The following FOXP1 variants were observed in gnomAD, a reference collection of about 807,000 sequenced individuals.
The protein encoded by FOXP1 is forkhead box P1, also known as forkhead box protein P1.
A neutral mutation model predicts 98.2 loss-of-function variants in FOXP1; 15 were observed. The observed-to-expected ratio is 0.15, with a 90% CI of 0.10 to 0.24. The LOEUF (loss-of-function observed/expected upper bound fraction) is 0.24. FOXP1 is among the 10% of genes least tolerant of loss of function. The pLI is 1.00. For synonymous variants in FOXP1, 371 were observed against 314.5 expected (o/e 1.18, Z -1.90); for missense variants, 633 against 848.5 (o/e 0.75, Z 3.15).
intron 6 of FOXP1, among the ~76,000 whole-genome samples, chr3:71,174,950 G>C (rs1206925419): frequency 1.4e-5 from 2 of 146,902 alleles, no homozygotes; most frequent in Non-Finnish European, 3.0e-5. Context: ...TCTCGCTCTT[G>C]TTGCCCAGAC....
intron 6 of FOXP1, among the ~76,000 whole-genome samples, chr3:71,115,737 CTTTTT>C (rs5849989): frequency 7.8e-5 from 9 of 116,062 alleles, no homozygotes; most frequent in East Asian, 4.7e-4. Flanking sequence ...CAAAACTATT[CTTTTT>C]TTTTTTTTTT....
intron 2 of FOXP1, among the ~76,000 whole-genome samples, chr3:71,539,154 C>G (rs867620969): frequency 1.3e-4 from 19 of 149,546 alleles, no homozygotes; most frequent in East Asian, 1.9e-4. Context: ...CTCTGTCGCC[C>G]AGGCTGGGGT....
Position 70,957,972 on chromosome 3 carries a change from G to T in FOXP1, c.*1275C>A. On this transcript the variant is annotated 3_prime_UTR_variant, in exon 21 of 21. Transcript: ENST00000649528. ...CGCCGCCACCCCTACTTTCAGGGCA[G>T]CTGCTCGGGGAAGCCGGTTTTTTTT... The T allele has an allele frequency of 4.1e-6, 1 of 246,492 alleles. No homozygotes were observed. Among genetic ancestry groups the T allele is most frequent in the Non-Finnish European group, 7.9e-6 (1 of 126,310 alleles). The allele number at this position is 246,492 out of a possible 1,614,324, so 15.3% of individuals were successfully genotyped here. A position where few individuals can be genotyped will look rare whatever the true frequency, so the allele number is the denominator to read the frequency against.
intron 3 of FOXP1, among the ~76,000 whole-genome samples, chr3:71,362,506 G>A (rs1247850780): frequency 6.6e-6 from 1 of 152,166 alleles, no homozygotes; most frequent in Non-Finnish European, 1.5e-5. Flanking sequence ...GTCTCACTCT[G>A]TTGCTCAGGC....
intron 6 of FOXP1, chr3:71,197,923 G>A: frequency 2.5e-6 from 4 of 1,614,200 alleles, no homozygotes; most frequent in Non-Finnish European, 3.4e-6. Context: ...GGAAGGGTTA[G>A]GCTGACACAC....
chr3:71,541,967 G>C (rs2044866761), intron 2 of FOXP1: 1 of 533,118 alleles, frequency 1.9e-6, no homozygotes. Context: ...CGCCGCGCGA[G>C]ACAGATTTTC....
chr3:71,259,766 A>G (rs2068940433), intron 5 of FOXP1, among the ~76,000 whole-genome samples: 1 of 152,232 alleles, frequency 6.6e-6, no homozygotes, highest in African/African-American at 2.4e-5. Flanking sequence ...AGAACAGCAT[A>G]TTAACAAGCA....
chr3:71,089,879 G>A (rs1297274156), intron 7 of FOXP1, among the ~76,000 whole-genome samples: 1 of 152,198 alleles, frequency 6.6e-6, no homozygotes, highest in Non-Finnish European at 1.5e-5. Flanking sequence ...AGACAGGCAG[G>A]CTACTGAAAT....
At chr3:71,485,988 A>C (rs2090616140) in intron 3 of FOXP1, among the ~76,000 whole-genome samples, 1 of 152,212 alleles carries the variant, frequency 6.6e-6, no homozygotes, top group African/African-American at 2.4e-5. Flanking sequence ...CTCTTTCACA[A>C]AGACAAGTAT....
intron 5 of FOXP1, among the ~76,000 whole-genome samples, chr3:71,271,982 T>C (rs2070404099): frequency 6.6e-6 from 1 of 152,186 alleles, no homozygotes. Flanking sequence ...GCATTGTTCT[T>C]GTACTCAAAA....
At chr3:70,972,391 T>G in intron 18 of FOXP1, 164 bp downstream of exon 18, 1 of 1,049,676 alleles carries the variant, frequency 9.5e-7, no homozygotes, top group East Asian at 2.4e-5. Context: ...GGGGGACTGG[T>G]GGGTATACAA....
In FOXP1 at chr3:70,958,286, G is replaced by C. The variant is rs148080961; in HGVS notation, c.*961C>G. 1 of 535,606 alleles carries C rather than the reference G, an allele frequency of 1.9e-6. No homozygotes were observed. The highest frequency in any genetic ancestry group is 1.9e-5 in the African/African-American group (1 of 53,452). The allele number at this position is 535,606 out of a possible 1,614,324, so 33.2% of individuals were successfully genotyped here. On this transcript the variant is annotated 3_prime_UTR_variant, in exon 21 of 21. Transcript: ENST00000649528. ...CCAATACTGCTGCGTGGAATGAATC[G>C]GCATTGTTCCTAGAGTTTGTCTCTC...
chr3:71,436,019 A>T (rs2085316728), intron 3 of FOXP1, among the ~76,000 whole-genome samples: 1 of 151,556 alleles, frequency 6.6e-6, no homozygotes, highest in African/African-American at 2.4e-5. Context: ...AGAAAGGAAG[A>T]AAGGGGGGAG....
chr3:71,508,784 C>T (rs1553904454), intron 2 of FOXP1, among the ~76,000 whole-genome samples: 1 of 152,196 alleles, frequency 6.6e-6, no homozygotes, highest in Non-Finnish European at 1.5e-5. Context: ...AAAGAAACAA[C>T]TTAGGTCTGC....
intron 11 of FOXP1, among the ~76,000 whole-genome samples, chr3:71,015,960 A>G (rs780299214): frequency 2.0e-5 from 3 of 152,224 alleles, no homozygotes; most frequent in Non-Finnish European, 4.4e-5. Flanking sequence ...TTAAAAAGCT[A>G]GAACTTATTT....
rs576429896 is a variant in FOXP1, at chr3:71,066,623, C to T, written c.283-12850G>A. On this transcript the variant is annotated intron_variant, in intron 7 of 20. Coordinates refer to ENST00000649528, the MANE Select transcript of FOXP1 (RefSeq NM_001349338.3). ...TACAAATAAAGGAAGTGCTCTCCAA[C>T]CAATGTACAGGGAGAAAGTGGAAAG... 7.9e-5 allele frequency among the ~76,000 whole-genome samples: 12 copies of T among 152,308 alleles called. No individual in the cohort carries two copies. The South Asian group carries it at 2.5e-3, about 32-fold the overall frequency.
intron 5 of FOXP1, among the ~76,000 whole-genome samples, chr3:71,293,752 A>G (rs1376215525): frequency 6.6e-6 from 1 of 152,212 alleles, no homozygotes; most frequent in Non-Finnish European, 1.5e-5. Flanking sequence ...GTTTAGCATT[A>G]TGGCTAACAA....
At chr3:71,269,278 C>T (rs1228216023) in intron 5 of FOXP1, among the ~76,000 whole-genome samples, 1 of 151,586 alleles carries the variant, frequency 6.6e-6, no homozygotes, top group Non-Finnish European at 1.5e-5. Flanking sequence ...TGATTTTAAT[C>T]CGAAATTGCC....
chr3:71,343,554 A>ATTTTTTTTTTTTTTTT (rs10658352), intron 4 of FOXP1, among the ~76,000 whole-genome samples: 1 of 116,414 alleles, frequency 8.6e-6, no homozygotes, highest in Non-Finnish European at 1.7e-5. Context: ...TCTCAATTAG[A>ATTTTTTTTTTTTTTTT]TTTTTTTTTT....
Sources: gnomAD v4.1 joint callset for allele counts (sites outside exome capture counted in the v4.1 genomes callset) on GRCh38, gnomAD v4.1.1 for gene constraint, MANE v1.5 for transcripts, NCBI Gene and HGNC (gene_info 2026-07-23, HGNC 2026-07-21) for gene names.